Variants in CA12 observed in about 807,000 individuals in gnomAD.
CA12 encodes carbonic anhydrase 12, also known as carbonate dehydratase XII.
CA12 carries 36 observed loss-of-function variants against 46.8 expected under a neutral mutation model. The observed-to-expected ratio is 0.77, with a 90% CI of 0.59 to 1.02. The LOEUF (loss-of-function observed/expected upper bound fraction) is 1.02, where lower values mean the gene tolerates loss of function less well. Among genes scored for constraint, CA12 ranks in the 50% least tolerant of loss-of-function variants. The pLI, the probability that CA12 is intolerant of heterozygous loss-of-function variation, is 0.00. For synonymous variants in CA12, 202 were observed against 187.0 expected, an observed-to-expected ratio of 1.08 and a Z score of -0.65; for missense variants, 436 against 451.4, an observed-to-expected ratio of 0.97 and a Z score of 0.31.
chr15:63,348,816 G>T lies in CA12; in HGVS notation c.107-2107C>A, dbSNP rs191256593. The stretch of plus-strand genomic sequence containing the variant: ...CTCTGTGAACCCATATTATAAGTAG[G>T]GTCACGTGCCCCCATGGGCATTTAG... On this transcript the variant is annotated intron_variant, in intron 2 of 10. Coordinates refer to ENST00000178638, the MANE Select transcript of CA12 (RefSeq NM_001218.5). This position sits in a 1 kb window ranked among gnomAD's most constrained non-coding sequence, Gnocchi z 4.6. Among the ~76,000 whole-genome samples the T allele has an allele frequency of 5.9e-5, 9 of 152,292 alleles. No individual in the cohort carries two copies. The East Asian group carries it at 1.5e-3, about 26-fold the overall frequency.
At chr15:63,360,141 G>A (rs1468140545) in intron 2 of CA12, among the ~76,000 whole-genome samples, 2 of 152,174 alleles carry the variant, frequency 1.3e-5, no homozygotes, top group African/African-American at 4.8e-5. Flanking sequence ...TCAGAGACAA[G>A]GGACAGTTTA....
rs1024186541 is a variant in CA12 at position 63,355,732 on chromosome 15, T to G, written c.107-9023A>C. Reference sequence around the variant, plus strand: ...ACAACCTAACCCCTATCATGAAAACTAGCCAGGCCTGAGCCCCCCATCAGT... The same window carrying G: ...ACAACCTAACCCCTATCATGAAAACGAGCCAGGCCTGAGCCCCCCATCAGT... On this transcript the variant is annotated intron_variant, in intron 2 of 10. Transcript: ENST00000178638. This position sits in a 1 kb window ranked among gnomAD's most constrained non-coding sequence, Gnocchi z 4.1. 3.3e-5 allele frequency among the ~76,000 whole-genome samples: 5 copies of G among 149,970 alleles called. No individual in the cohort carries two copies. Among genetic ancestry groups the G allele is most frequent in the Admixed American group, 3.3e-4 (5 of 15,248 alleles).
At chr15:63,358,156 T>C (rs2039316454) in intron 2 of CA12, among the ~76,000 whole-genome samples, 1 of 152,228 alleles carries the variant, frequency 6.6e-6, no homozygotes, top group Admixed American at 6.5e-5. Context: ...TGTAAAATAG[T>C]TATTGACCGA....
At position 63,373,127 on chromosome 15, in the gene CA12, G is replaced by A. The variant is rs1207837133; in HGVS notation, c.106+2531C>T. Among the ~76,000 whole-genome samples, 1 of 152,192 alleles carries A rather than the reference G, an allele frequency of 6.6e-6. No individual in the cohort carries two copies. Among genetic ancestry groups the A allele is most frequent in the Non-Finnish European group, 1.5e-5 (1 of 68,036 alleles). On this transcript the variant is annotated intron_variant, in intron 2 of 10. Coordinates refer to ENST00000178638, the MANE Select transcript of CA12 (RefSeq NM_001218.5). This position sits in a 1 kb window ranked among gnomAD's most constrained non-coding sequence, Gnocchi z 4.9. ...CACCTGTAATCCCAACACTTTGAGAGGCCGAGGTGGGCAGAACACTTGAGA... is the reference window on the plus strand; with the variant it reads ...CACCTGTAATCCCAACACTTTGAGAAGCCGAGGTGGGCAGAACACTTGAGA...
chr15:63,356,287 G>A (rs2039294788), intron 2 of CA12, among the ~76,000 whole-genome samples: 1 of 152,130 alleles, frequency 6.6e-6, no homozygotes, highest in South Asian at 2.1e-4. Context: ...CAGCTACTCG[G>A]GAGGCTGAGG....
chr15:63,347,996 T>G (rs1475238455), intron 2 of CA12, among the ~76,000 whole-genome samples: 1 of 152,198 alleles, frequency 6.6e-6, no homozygotes, highest in African/African-American at 2.4e-5. Context: ...CCCTACATCG[T>G]GCTCTCTAAC....
intron 2 of CA12, among the ~76,000 whole-genome samples, chr15:63,364,332 GAAAAAA>G (rs34673043): frequency 0.04 from 2,229 of 56,098 alleles, 68 homozygotes; most frequent in Middle Eastern, 0.23. Context: ...CCCGTCACTA[GAAAAAA>G]AAAAAAAAAA....
rs2039086073 is a variant in CA12, at chr15:63,342,081, T to C, written c.446A>G (p.Tyr149Cys). 5.6e-6 allele frequency: 9 copies of C among 1,613,622 alleles called. No individual in the cohort carries two copies. Among genetic ancestry groups the C allele is most frequent in the African/African-American group, 1.3e-5 (1 of 75,056 alleles). Residue 149 changes from tyrosine (Y) to cysteine (C), a missense_variant, in exon 5 of 11, where the codon TAT (tyrosine) becomes TGT (cysteine). Coordinates refer to ENST00000178638, the MANE Select transcript of CA12 (RefSeq NM_001218.5). ...GGCGTCAGGATAAAGGTCTGAGTTA[T>C]AATGGACAATGTGCAGCTGCAGTGG... ...HFAAELHIVHYNSDLYPDAST... is the reference protein window; with the variant it reads ...HFAAELHIVHCNSDLYPDAST...
intron 2 of CA12, 62 bp from the exon 3 acceptor site, chr15:63,346,771 C>A (rs1347044831): frequency 9.7e-6 from 15 of 1,543,450 alleles, no homozygotes; most frequent in Non-Finnish European, 1.3e-5. Context: ...TCCTTATCTT[C>A]TAATTCTCTG....
At chr15:63,356,219 C>T (rs189595413) in intron 2 of CA12, among the ~76,000 whole-genome samples, 86 of 152,186 alleles carry the variant, frequency 5.7e-4, no homozygotes, top group African/African-American at 1.9e-3. Context: ...ATGGTGAAAC[C>T]CCGTCTGTAC....
chr15:63,344,761 G>A (rs996481054), intron 4 of CA12, among the ~76,000 whole-genome samples: 3 of 152,088 alleles, frequency 2.0e-5, no homozygotes, highest in African/African-American at 4.8e-5. Context: ...CAGGGCTATT[G>A]GAGTGCCAAA....
At position 63,325,950 on chromosome 15, in the gene CA12, G is replaced by A. The variant is rs966563593; in HGVS notation, c.*335C>T. ...TGAAAGCACGCTCTGGCAAAGCCCCGGATGAAAGTGTTTTCCAACCATTAA... is the reference window on the plus strand; with the variant it reads ...TGAAAGCACGCTCTGGCAAAGCCCCAGATGAAAGTGTTTTCCAACCATTAA... On this transcript the variant is annotated 3_prime_UTR_variant, in exon 11 of 11. Transcript: ENST00000178638. This position sits in a 1 kb window ranked among gnomAD's most constrained non-coding sequence, Gnocchi z 4.9. The A allele has an allele frequency of 2.7e-5, 9 of 330,478 alleles. No individual in the cohort carries two copies. The highest frequency in any genetic ancestry group is 6.4e-5 in the East Asian group (1 of 15,612). The allele number at this position is 330,478 out of a possible 1,614,324, so 20.5% of individuals were successfully genotyped here. A position where few individuals can be genotyped will look rare whatever the true frequency, so the allele number is the denominator to read the frequency against.
At position 63,373,266 on chromosome 15, in the gene CA12, G is replaced by A. The variant is rs2039529543; in HGVS notation, c.106+2392C>T. 1.3e-5 allele frequency among the ~76,000 whole-genome samples: 2 copies of A among 151,866 alleles called. No homozygotes were observed. The highest frequency in any genetic ancestry group is 4.8e-5 in the African/African-American group (2 of 41,306). ...TGTAATCCCAGCTACTTGGGAGGCT[G>A]AGGCAGGAGAATCCCTTGGACCCAG... On this transcript the variant is annotated intron_variant, in intron 2 of 10. Coordinates refer to ENST00000178638, the MANE Select transcript of CA12 (RefSeq NM_001218.5). This position sits in a 1 kb window ranked among gnomAD's most constrained non-coding sequence, Gnocchi z 4.9.
intron 2 of CA12, among the ~76,000 whole-genome samples, chr15:63,351,710 A>T (rs1163757857): frequency 1.3e-5 from 2 of 152,174 alleles, no homozygotes; most frequent in Admixed American, 1.3e-4. Context: ...GTCCTGCCAA[A>T]GCTACCCCAG....
Position 63,346,640 on chromosome 15 carries a change from T to C in CA12, c.176A>G (p.Asp59Gly), listed in dbSNP as rs780769662. 16 of 1,613,808 alleles carry C rather than the reference T, an allele frequency of 9.9e-6. No individual in the cohort carries two copies. The highest frequency in any genetic ancestry group is 1.4e-5 in the Non-Finnish European group (16 of 1,179,942). ...SCGGLLQSPI[D>G]LHSDILQYDA... ...ATACTGGAGGATGTCACTGTGCAGGTCTATGGGGGACTGCAGCAGGCCCCC... is the reference window on the plus strand; with the variant it reads ...ATACTGGAGGATGTCACTGTGCAGGCCTATGGGGGACTGCAGCAGGCCCCC... The change falls in exon 3 of 11, where the codon GAC (aspartate) becomes GGC (glycine). Residue 59 changes from aspartate to glycine, a missense_variant. By Grantham distance (94) the Asp-to-Gly change is moderately conservative. Coordinates refer to ENST00000178638, the MANE Select transcript of CA12 (RefSeq NM_001218.5).
chr15:63,381,050 G>A (rs930227878), intron 1 of CA12, among the ~76,000 whole-genome samples: 1 of 151,952 alleles, frequency 6.6e-6, no homozygotes, highest in Non-Finnish European at 1.5e-5. Flanking sequence ...GTTTGTGTGC[G>A]TGCGCGCGTG....
chr15:63,376,602 C>CTT (rs1391310984), intron 1 of CA12, among the ~76,000 whole-genome samples: 2,786 of 141,646 alleles, frequency 0.02, 75 homozygotes, highest in African/African-American at 0.068. Flanking sequence ...TTCTTTCTTT[C>CTT]TCTCTCTCTC....
In CA12 at chr15:63,327,022, G is replaced by T. The variant is rs1380916835; in HGVS notation, c.992+127C>A. On this transcript the variant is annotated intron_variant, in intron 10 of 10. Coordinates refer to ENST00000178638, the MANE Select transcript of CA12 (RefSeq NM_001218.5). This position sits in a 1 kb window ranked among gnomAD's most constrained non-coding sequence, Gnocchi z 4.5. ...CCAGGGCACGGGTGCTTTGGGGACG[G>T]CCCTCCTAGGGTAAGTGGTGGTCCA... is the stretch of plus-strand genomic sequence containing the variant. The T allele has an allele frequency of 3.7e-6, 3 of 812,406 alleles. No individual in the cohort carries two copies. The highest frequency in any genetic ancestry group is 4.0e-5 in the Admixed American group (2 of 50,354). The allele number at this position is 812,406 out of a possible 1,614,324, so 50.3% of individuals were successfully genotyped here.
rs771790538 is a variant in CA12, at chr15:63,340,742, G to A, written c.567C>T (p.His189=). 1 of 1,614,184 alleles carries A rather than the reference G, an allele frequency of 6.2e-7. No individual in the cohort carries two copies. Among genetic ancestry groups the A allele is most frequent in the South Asian group, 1.1e-5 (1 of 91,078 alleles). Residue 189 remains histidine (H), a synonymous_variant, in exon 6 of 11, where the codon CAC becomes CAT. Transcript: ENST00000178638. The surrounding 1 kb of genome is among the most constrained non-coding windows in gnomAD (Gnocchi z 4.4). ...CACCTTTGTACTTTACATGTTGAAGGTGACTGAAGATCTTGTCATAGGACG... is the reference window on the plus strand; with the variant it reads ...CACCTTTGTACTTTACATGTTGAAGATGACTGAAGATCTTGTCATAGGACG... The part of the protein sequence containing the change: ...FNPSYDKIFS[H]LQHVKYKGQE...
Sources: gnomAD v4.1 joint callset for allele counts (sites outside exome capture counted in the v4.1 genomes callset) on GRCh38, gnomAD v4.1.1 for gene constraint, Gnocchi (gnomAD v3.1) non-coding constraint, MANE v1.5 for transcripts, NCBI Gene and HGNC (gene_info 2026-07-23, HGNC 2026-07-21) for gene names.